DIAPH3: variants seen among roughly 807,000 people sequenced by gnomAD.
The protein encoded by DIAPH3 is diaphanous related formin 3.
DIAPH3 carries 117 observed loss-of-function variants against 144.3 expected under a neutral mutation model. The observed-to-expected ratio is 0.81, with a 90% CI of 0.70 to 0.95. The LOEUF is 0.95. DIAPH3 is among the 40% of genes least tolerant of loss of function. The probability of loss-of-function intolerance (pLI) is 0.00; values close to 1 mark genes in which losing one functional copy is unlikely to be tolerated. For missense variants in DIAPH3, 1,421 were observed against 1,412.7 expected (o/e 1.01, Z -0.09); for synonymous variants, 519 against 488.9 (o/e 1.06, Z -0.81).
intron 27 of DIAPH3, among the ~76,000 whole-genome samples, chr13:59,758,039 T>A (rs1315225089): frequency 6.6e-6 from 1 of 152,192 alleles, no homozygotes; most frequent in Non-Finnish European, 1.5e-5. Context: ...ACTCATATTA[T>A]CCATAGAAGA....
At chr13:59,916,125 T>C (rs376210376) in intron 19 of DIAPH3, 30 bp downstream of exon 19, 112 of 1,570,894 alleles carry the variant, frequency 7.1e-5, no homozygotes, top group Middle Eastern at 1.7e-4. Flanking sequence ...CAATGAAATA[T>C]TGAAATTTAA....
At chr13:60,098,630 AAC>A (rs201392247) in intron 3 of DIAPH3, among the ~76,000 whole-genome samples, 4,100 of 152,236 alleles carry the variant, frequency 0.027, 81 homozygotes, top group Middle Eastern at 0.082. Context: ...TAAATATAGA[AAC>A]ACATATAGCT....
chr13:59,974,481 A>G, intron 14 of DIAPH3, 25 bp from the exon 15 acceptor site: 1 of 1,556,008 alleles, frequency 6.4e-7, no homozygotes, highest in South Asian at 1.1e-5. Flanking sequence ...AAATAATAAC[A>G]AAAACAGGAA....
chr13:59,949,061 A>C (rs963621246), intron 17 of DIAPH3, among the ~76,000 whole-genome samples: 2 of 152,174 alleles, frequency 1.3e-5, no homozygotes, highest in African/African-American at 4.8e-5. Context: ...AGAAAGCAGG[A>C]AGAAGGAACA....
intron 1 of DIAPH3, among the ~76,000 whole-genome samples, chr13:60,150,731 C>A (rs1321155250): frequency 6.6e-6 from 1 of 152,176 alleles, no homozygotes; most frequent in Non-Finnish European, 1.5e-5. Flanking sequence ...CCAGTTCAGC[C>A]ACAGAAGCCT....
At chr13:59,696,778 G>C (rs1405081300) in intron 27 of DIAPH3, among the ~76,000 whole-genome samples, 2 of 152,082 alleles carry the variant, frequency 1.3e-5, no homozygotes, top group Non-Finnish European at 2.9e-5. Flanking sequence ...TATGTGTTAA[G>C]TAGGTTCCCG....
intron 19 of DIAPH3, 25 bp from the exon 20 acceptor site, chr13:59,911,861 G>T: frequency 6.8e-7 from 1 of 1,462,414 alleles, no homozygotes; most frequent in South Asian, 1.1e-5. Context: ...CAGAAAGAAA[G>T]ATCTTCACTA....
At chr13:59,780,887 GGGCCTCAAATTCA>G (rs2038700504) in intron 25 of DIAPH3, among the ~76,000 whole-genome samples, 1 of 152,106 alleles carries the variant, frequency 6.6e-6, no homozygotes, top group South Asian at 2.1e-4. Flanking sequence ...CTGGAAATTC[GGGCCTCAAATTCA>G]GACAAAAATG....
At chr13:60,087,557 T>C (rs1262723062) in intron 4 of DIAPH3, among the ~76,000 whole-genome samples, 1 of 152,204 alleles carries the variant, frequency 6.6e-6, no homozygotes, top group Non-Finnish European at 1.5e-5. Context: ...TTATGATCAT[T>C]AATACTTGAT....
intron 4 of DIAPH3, among the ~76,000 whole-genome samples, chr13:60,082,933 T>G (rs1198883180): frequency 6.6e-6 from 1 of 152,092 alleles, no homozygotes; most frequent in Non-Finnish European, 1.5e-5. Context: ...TAAAAACTTT[T>G]TACATACACA....
At chr13:59,671,234 A>G (rs1469602507) in intron 27 of DIAPH3, among the ~76,000 whole-genome samples, 1 of 152,224 alleles carries the variant, frequency 6.6e-6, no homozygotes, top group Non-Finnish European at 1.5e-5. Context: ...AGAGGCATAA[A>G]TAAATTGTAA....
At chr13:59,940,065 G>T (rs899303192) in intron 17 of DIAPH3, among the ~76,000 whole-genome samples, 1 of 151,964 alleles carries the variant, frequency 6.6e-6, no homozygotes, top group Non-Finnish European at 1.5e-5. Context: ...CAATGTTTTC[G>T]AGCCTGCCCC....
chr13:59,720,147 G>A (rs1671510572), intron 27 of DIAPH3, among the ~76,000 whole-genome samples: 1 of 152,076 alleles, frequency 6.6e-6, no homozygotes, highest in Non-Finnish European at 1.5e-5. Flanking sequence ...AAATATTTGT[G>A]TATCTAAGTG....
At chr13:59,852,727 A>G (rs956195992) in intron 22 of DIAPH3, among the ~76,000 whole-genome samples, 10 of 152,240 alleles carry the variant, frequency 6.6e-5, no homozygotes, top group Non-Finnish European at 1.3e-4. Context: ...AACTACTAAC[A>G]TAAGCCTACA....
At chr13:60,107,100 T>C (rs961803109) in intron 3 of DIAPH3, among the ~76,000 whole-genome samples, 4 of 152,158 alleles carry the variant, frequency 2.6e-5, no homozygotes, top group Admixed American at 6.5e-5. Flanking sequence ...GTTAACTTTC[T>C]GATTTTGGTG....
At chr13:59,829,815 C>T (rs936130558) in intron 24 of DIAPH3, among the ~76,000 whole-genome samples, 3 of 151,830 alleles carry the variant, frequency 2.0e-5, no homozygotes, top group Non-Finnish European at 4.4e-5. Flanking sequence ...GTACAGTGGT[C>T]TGAACTTGAG....
chr13:59,781,098 G>C (rs1344369459), intron 25 of DIAPH3, among the ~76,000 whole-genome samples: 1 of 152,108 alleles, frequency 6.6e-6, no homozygotes, highest in African/African-American at 2.4e-5. Context: ...TTCAGCCACG[G>C]TACAACCTGA....
chr13:59,754,841 G>A (rs1340780151), intron 27 of DIAPH3, among the ~76,000 whole-genome samples: 2 of 152,104 alleles, frequency 1.3e-5, no homozygotes, highest in African/African-American at 4.8e-5. Flanking sequence ...AGGTTGTACT[G>A]ATAAGTTTTC....
rs181998062 is a variant in DIAPH3 at position 59,913,286 on chromosome 13, G to A, written c.2266-1450C>T. On this transcript the variant is annotated intron_variant, in intron 19 of 27. Coordinates refer to ENST00000400324, the MANE Select transcript of DIAPH3 (RefSeq NM_001042517.2). ...TACTATTGTGATTTTTAAGTGCGTGGTTCCAACCTCCCTTTGTCTCTCCCC... is the reference window on the plus strand; with the variant it reads ...TACTATTGTGATTTTTAAGTGCGTGATTCCAACCTCCCTTTGTCTCTCCCC... Among the ~76,000 whole-genome samples, 3 of 152,084 alleles carry A rather than the reference G, an allele frequency of 2.0e-5. No homozygotes were observed. In the East Asian group the frequency reaches 5.8e-4, roughly 29 times the overall value.
Sources: gnomAD v4.1 joint callset for allele counts (sites outside exome capture counted in the v4.1 genomes callset) on GRCh38, gnomAD v4.1.1 for gene constraint, MANE v1.5 for transcripts, NCBI Gene and HGNC (gene_info 2026-07-23, HGNC 2026-07-21) for gene names.